The following CNTN5 variants were observed in gnomAD, a reference collection of about 807,000 sequenced individuals.
CNTN5 encodes the protein contactin-5.
A neutral mutation model predicts 129.1 loss-of-function variants in CNTN5; 77 were observed. The ratio of observed to expected loss-of-function variants is 0.60; its 90% CI spans 0.50 to 0.72. CNTN5 has a LOEUF of 0.72. CNTN5 is among the 30% of genes least tolerant of loss of function. CNTN5 has a pLI of 0.00. For missense variants in CNTN5, 1,478 were observed against 1,328.8 expected (o/e 1.11, Z -1.75); for synonymous variants, 509 against 465.6 (o/e 1.09, Z -1.20).
At chr11:100,188,166 A>G (rs114083869) in intron 13 of CNTN5, among the ~76,000 whole-genome samples, 1,860 of 152,326 alleles carry the variant, frequency 0.012, 48 homozygotes, top group African/African-American at 0.042. Flanking sequence ...GAGGCCAGCC[A>G]GGTGCAGTGG....
At chr11:99,427,076 CCTT>C (rs1486354014) in intron 2 of CNTN5, among the ~76,000 whole-genome samples, 1 of 152,152 alleles carries the variant, frequency 6.6e-6, no homozygotes, top group Non-Finnish European at 1.5e-5. Flanking sequence ...AAAACAAAAA[CCTT>C]CTGCAGTGAG....
chr11:100,318,171 G>A (rs1311911952), intron 21 of CNTN5, among the ~76,000 whole-genome samples: 1 of 146,998 alleles, frequency 6.8e-6, no homozygotes, highest in African/African-American at 2.5e-5. Flanking sequence ...AACCCGGGAG[G>A]CCGAACTTGC....
At chr11:99,024,813 T>G (rs756741520) in intron 1 of CNTN5, among the ~76,000 whole-genome samples, 4 of 152,006 alleles carry the variant, frequency 2.6e-5, no homozygotes, top group Non-Finnish European at 5.9e-5. Flanking sequence ...AAGAATCTCA[T>G]TTTTAATCTA....
chr11:99,705,989 C>A (rs1050535564), intron 3 of CNTN5, among the ~76,000 whole-genome samples: 1 of 151,432 alleles, frequency 6.6e-6, no homozygotes, highest in African/African-American at 2.4e-5. Context: ...GAGACGCCAT[C>A]AAACTTTTCC....
intron 6 of CNTN5, among the ~76,000 whole-genome samples, chr11:99,914,129 C>G (rs556897360): frequency 1.3e-5 from 2 of 151,906 alleles, no homozygotes; most frequent in Non-Finnish European, 1.5e-5. Context: ...CCCAGCTACT[C>G]GGGAGGCTGA....
intron 2 of CNTN5, among the ~76,000 whole-genome samples, chr11:99,342,919 A>T (rs1368210472): frequency 6.6e-6 from 1 of 152,178 alleles, no homozygotes; most frequent in Admixed American, 6.6e-5. Flanking sequence ...AATAACTTCA[A>T]TGATGGTCAT....
intron 2 of CNTN5, among the ~76,000 whole-genome samples, chr11:99,333,061 C>T (rs1193184589): frequency 6.6e-6 from 1 of 151,942 alleles, no homozygotes; most frequent in African/African-American, 2.4e-5. Flanking sequence ...CAAAAAACTT[C>T]CCGGGTAGCT....
At chr11:99,412,708 T>C (rs1942455014) in intron 2 of CNTN5, among the ~76,000 whole-genome samples, 1 of 152,228 alleles carries the variant, frequency 6.6e-6, no homozygotes, top group Non-Finnish European at 1.5e-5. Flanking sequence ...CCACACTCAT[T>C]GTGAACTCAA....
At chr11:99,139,955 T>G (rs1432502124) in intron 1 of CNTN5, among the ~76,000 whole-genome samples, 3 of 152,134 alleles carry the variant, frequency 2.0e-5, no homozygotes, top group Non-Finnish European at 4.4e-5. Context: ...TTAAGTGTCT[T>G]ATGAAATTAT....
chr11:99,823,147 G>A (rs1310022370), intron 4 of CNTN5, among the ~76,000 whole-genome samples: 2 of 152,234 alleles, frequency 1.3e-5, no homozygotes, highest in East Asian at 3.9e-4. Flanking sequence ...CAGAGCAAGG[G>A]TTGAGCCACA....
At chr11:99,838,626 A>G (rs1947378770) in intron 4 of CNTN5, among the ~76,000 whole-genome samples, 1 of 152,114 alleles carries the variant, frequency 6.6e-6, no homozygotes, top group South Asian at 2.1e-4. Flanking sequence ...CTCCATTCTC[A>G]TTTGAAAACT....
At chr11:99,503,144 C>A (rs779757936) in intron 2 of CNTN5, among the ~76,000 whole-genome samples, 1 of 152,026 alleles carries the variant, frequency 6.6e-6, no homozygotes, top group Non-Finnish European at 1.5e-5. Context: ...TTATACTATG[C>A]GTATTCCTCT....
chr11:99,147,149 T>C (rs1859829039), intron 1 of CNTN5, among the ~76,000 whole-genome samples: 1 of 152,232 alleles, frequency 6.6e-6, no homozygotes, highest in African/African-American at 2.4e-5. Context: ...ACTGTTTTGT[T>C]ATTAATGCAT....
chr11:100,145,859 G>C (rs551474474), intron 13 of CNTN5, among the ~76,000 whole-genome samples: 2 of 152,044 alleles, frequency 1.3e-5, no homozygotes, highest in Non-Finnish European at 2.9e-5. Context: ...AGGGCTTTTG[G>C]TCTGTAAAAG....
At chr11:100,031,479 C>A (rs531326547) in intron 9 of CNTN5, among the ~76,000 whole-genome samples, 2 of 152,112 alleles carry the variant, frequency 1.3e-5, no homozygotes, top group Non-Finnish European at 2.9e-5. Flanking sequence ...GCATGAGGGG[C>A]GCCTGTCCAT....
chr11:99,224,657 A>ATTT (rs3082693), intron 1 of CNTN5, among the ~76,000 whole-genome samples: 6,367 of 108,748 alleles, frequency 0.059, 601 homozygotes, highest in East Asian at 0.22. Flanking sequence ...CCAAGGTTGC[A>ATTT]TTTTTTTTTT....
chr11:99,988,282 C>T (rs1462351444), intron 8 of CNTN5, among the ~76,000 whole-genome samples: 1 of 152,212 alleles, frequency 6.6e-6, no homozygotes, highest in African/African-American at 2.4e-5. Flanking sequence ...AAACTATTAA[C>T]AATGGTTTAA....
intron 24 of CNTN5, among the ~76,000 whole-genome samples, chr11:100,353,705 A>G (rs1952464735): frequency 6.6e-6 from 1 of 151,660 alleles, no homozygotes; most frequent in South Asian, 2.1e-4. Flanking sequence ...ACAAGTTGAA[A>G]TATATGCATC....
chr11:100,113,865 C>T (rs996596234), intron 13 of CNTN5, among the ~76,000 whole-genome samples: 1 of 151,868 alleles, frequency 6.6e-6, no homozygotes, highest in Non-Finnish European at 1.5e-5. Context: ...TTTTTTTAAA[C>T]CTTTTAGCGT....
Sources: allele counts gnomAD v4.1 joint callset (sites outside exome capture counted in the v4.1 genomes callset), GRCh38; gene constraint gnomAD v4.1.1; transcripts MANE v1.5; gene names NCBI Gene and HGNC (gene_info 2026-07-23, HGNC 2026-07-21).